Variants in ANK2 observed in about 807,000 individuals in gnomAD.
ANK2 encodes ankyrin-2.
In ANK2, 83 loss-of-function variants were observed where a neutral mutation model predicts 360.5. The observed-to-expected ratio is 0.23, with a 90% CI of 0.19 to 0.28. The LOEUF is 0.28. ANK2 is among the 10% of genes least tolerant of loss of function. ANK2 has a pLI of 1.00. For missense variants in ANK2, 4,201 were observed against 4,795.7 expected, an observed-to-expected ratio of 0.88 and a Z score of 3.66; for synonymous variants, 1,740 against 1,759.5, an observed-to-expected ratio of 0.99 and a Z score of 0.28.
At chr4:112,846,729 T>C (rs2063397775) in intron 1 of ANK2, among the ~76,000 whole-genome samples, 1 of 152,182 alleles carries the variant, frequency 6.6e-6, no homozygotes, top group Non-Finnish European at 1.5e-5. Flanking sequence ...TCCTCATGTT[T>C]CAATATATGT....
At chr4:112,875,516 G>T (rs537639149) in intron 1 of ANK2, among the ~76,000 whole-genome samples, 3 of 117,440 alleles carry the variant, frequency 2.6e-5, no homozygotes, top group Non-Finnish European at 3.8e-5. Flanking sequence ...TTATTTATTT[G>T]TAGAGATGAG....
chr4:112,966,981 A>G (rs971850347), intron 2 of ANK2, among the ~76,000 whole-genome samples: 2 of 152,158 alleles, frequency 1.3e-5, no homozygotes, highest in Admixed American at 6.6e-5. Flanking sequence ...TTCCTTTGGT[A>G]TAAGAGTGAT....
intron 34 of ANK2, among the ~76,000 whole-genome samples, chr4:113,344,860 C>G (rs531804062): frequency 2.0e-5 from 3 of 151,890 alleles, no homozygotes; most frequent in African/African-American, 7.3e-5. Context: ...TTGACCTCTC[C>G]TCGAAGTGAA....
chr4:113,049,849 A>C (rs756660731), intron 1 of ANK2, 37 bp downstream of exon 1: 1 of 1,607,844 alleles, frequency 6.2e-7, no homozygotes, highest in Non-Finnish European at 8.5e-7. Flanking sequence ...GTGTATAAAT[A>C]TGTATGTGTG....
At chr4:113,118,366 G>C (rs548748566) in intron 1 of ANK2, among the ~76,000 whole-genome samples, 1 of 152,110 alleles carries the variant, frequency 6.6e-6, no homozygotes, top group Non-Finnish European at 1.5e-5. Context: ...GATGCAATGG[G>C]GATCCATATA....
chr4:112,809,060 CA>C, the ANK2 span, among the ~76,000 whole-genome samples: 45 of 151,714 alleles, frequency 3.0e-4, no homozygotes, highest in African/African-American at 1.1e-3. Context: ...CATTTCACCA[CA>C]TTTGCCAGGC....
At chr4:112,970,682 T>G (rs1378145660) in intron 2 of ANK2, among the ~76,000 whole-genome samples, 1 of 152,236 alleles carries the variant, frequency 6.6e-6, no homozygotes. Flanking sequence ...CATATATATC[T>G]ATATCTATTT....
At chr4:112,961,608 A>G (rs2034874419) in intron 2 of ANK2, among the ~76,000 whole-genome samples, 1 of 152,154 alleles carries the variant, frequency 6.6e-6, no homozygotes, top group Non-Finnish European at 1.5e-5. Flanking sequence ...TGCTTTTTGC[A>G]GATTATGACT....
Position 113,322,752 on chromosome 4 carries a change from A to G in ANK2, c.2900+4132A>G, listed in dbSNP as rs541896265. On this transcript the variant is annotated intron_variant, in intron 26 of 45. Coordinates refer to ENST00000357077, the MANE Select transcript of ANK2 (RefSeq NM_001148.6). The stretch of plus-strand genomic sequence containing the variant: ...GTTTACCTAAAATTTCTCCAAAAAT[A>G]AAGTCTATTTTAAAAATCATCTTGA... Among the ~76,000 whole-genome samples, 50 of 152,338 alleles carry G rather than the reference A, an allele frequency of 3.3e-4. No homozygotes were observed. In the Middle Eastern group the frequency reaches 0.01, roughly 31 times the overall value.
chr4:112,986,496 A>T (rs2044916945), intron 2 of ANK2, among the ~76,000 whole-genome samples: 1 of 152,126 alleles, frequency 6.6e-6, no homozygotes, highest in African/African-American at 2.4e-5. Context: ...CCAGTTAGGG[A>T]ACTGTTGATC....
intron 2 of ANK2, among the ~76,000 whole-genome samples, chr4:112,970,349 T>C (rs751101863): frequency 1.2e-4 from 18 of 150,596 alleles, no homozygotes; most frequent in South Asian, 2.1e-4. Context: ...TTTTAACTAA[T>C]TAATTAATTA....
the ANK2 span, among the ~76,000 whole-genome samples, chr4:112,713,304 T>A: frequency 3.3e-5 from 5 of 152,296 alleles, no homozygotes; most frequent in Admixed American, 1.3e-4. Context: ...CAGTGATGAA[T>A]GAAGTTGCTA....
At chr4:112,987,721 C>T (rs2045414957) in intron 2 of ANK2, among the ~76,000 whole-genome samples, 1 of 151,830 alleles carries the variant, frequency 6.6e-6, no homozygotes, top group Admixed American at 6.6e-5. Flanking sequence ...ATGTCTATTG[C>T]CTAACTTAGT....
At chr4:113,370,523 G>A (rs928487315) in intron 43 of ANK2, among the ~76,000 whole-genome samples, 5 of 152,136 alleles carry the variant, frequency 3.3e-5, no homozygotes, top group African/African-American at 4.8e-5. Flanking sequence ...ACTTTGGGAG[G>A]CTGAGGCGGG....
chr4:112,736,057 A>G, the ANK2 span, among the ~76,000 whole-genome samples: 2 of 152,198 alleles, frequency 1.3e-5, no homozygotes, highest in Non-Finnish European at 2.9e-5. Flanking sequence ...TCAGAATAGA[A>G]ATAAAACCCA....
intron 4 of ANK2, among the ~76,000 whole-genome samples, chr4:113,228,854 A>C (rs2153521404): frequency 6.6e-6 from 1 of 152,322 alleles, no homozygotes. Flanking sequence ...TATCAAGCTA[A>C]AAAACGGTTA....
the ANK2 span, among the ~76,000 whole-genome samples, chr4:112,743,554 C>CTTTTTTTT: frequency 9.4e-6 from 1 of 105,880 alleles, no homozygotes. Context: ...CTTTTCTATC[C>CTTTTTTTT]TTTTTTTTTT....
At chr4:113,378,987 A>C (rs1181452082) in intron 45 of ANK2, among the ~76,000 whole-genome samples, 3 of 152,186 alleles carry the variant, frequency 2.0e-5, no homozygotes, top group Non-Finnish European at 4.4e-5. Context: ...AAAAGGGAGA[A>C]AGATTGTCAT....
intron 4 of ANK2, among the ~76,000 whole-genome samples, chr4:113,229,295 T>G (rs4361387): frequency 0.38 from 57,066 of 151,992 alleles, 11,727 homozygotes; most frequent in Non-Finnish European, 0.47. Flanking sequence ...TTTCTTGCCT[T>G]TCTCAGCTTC....
Sources: allele counts gnomAD v4.1 joint callset (sites outside exome capture counted in the v4.1 genomes callset), GRCh38; gene constraint gnomAD v4.1.1; transcripts MANE v1.5; gene names NCBI Gene and HGNC (gene_info 2026-07-23, HGNC 2026-07-21).